FBLN1: variants seen among roughly 807,000 people sequenced by gnomAD.
The protein encoded by FBLN1 is fibulin-1.
A neutral mutation model predicts 89.7 loss-of-function variants in FBLN1; 34 were observed. The observed-to-expected ratio is 0.38, with a 90% CI of 0.29 to 0.50. FBLN1 has a LOEUF of 0.50. Ranked by LOEUF, FBLN1 falls within the 20% of genes least tolerant of loss-of-function variation. The pLI, the probability that FBLN1 is intolerant of heterozygous loss-of-function variation, is 0.92. For missense variants in FBLN1, 777 were observed against 988.1 expected, an observed-to-expected ratio of 0.79 and a Z score of 2.86; for synonymous variants, 393 against 391.3, an observed-to-expected ratio of 1.00 and a Z score of -0.05.
chr22:45,532,914 AG>A lies in FBLN1; in HGVS notation c.545-146del, dbSNP rs2146968587. 1.7e-5 allele frequency: 12 copies of A among 697,466 alleles called. No homozygotes were observed. In the South Asian group the frequency reaches 2.0e-4, roughly 12 times the overall value. The allele number at this position is 697,466 out of a possible 1,614,324, so 43.2% of individuals were successfully genotyped here. On this transcript the variant is annotated intron_variant, in intron 5 of 16. Coordinates refer to ENST00000327858, the MANE Select transcript of FBLN1 (RefSeq NM_006486.3). The surrounding 1 kb of genome is among the most constrained non-coding windows in gnomAD (Gnocchi z 4.2). ...AGCCAGAGCCTGGGGGTCTCCCAGT[AG>A]GGCAGCAGGTGGGCTCCAGCCAGGT...
intron 1 of FBLN1, among the ~76,000 whole-genome samples, chr22:45,516,636 A>C (rs1205949833): frequency 2.0e-5 from 3 of 151,876 alleles, no homozygotes; most frequent in Non-Finnish European, 4.4e-5. Context: ...ATCGCTGGAG[A>C]GGGGACACCT....
chr22:45,520,366 C>T (rs1265410818), intron 2 of FBLN1, among the ~76,000 whole-genome samples: 1 of 152,202 alleles, frequency 6.6e-6, no homozygotes. Context: ...TTCTGAGGCT[C>T]CTCTCCTGGG....
In FBLN1 at chr22:45,504,664, G is replaced by A. The variant is rs143192015; in HGVS notation, c.79+1600G>A. 4.8e-3 allele frequency among the ~76,000 whole-genome samples: 728 copies of A among 152,212 alleles called. 16 individuals carry two copies. The highest frequency in any genetic ancestry group is 0.043 in the Admixed American group (662 of 15,272). ...CTCTCCCTGGCCCCGGAGTCTCTGC[G>A]TTCCCTCTCACTGTTCTTTTCTGTC... On this transcript the variant is annotated intron_variant, in intron 1 of 16. Transcript: ENST00000327858.
Position 45,585,139 on chromosome 22 carries a change from G to C in FBLN1, c.1972+8031G>C, listed in dbSNP as rs578077878. The stretch of plus-strand genomic sequence containing the variant: ...AGAGAGAGAGAAGTGGCGTGTGGCA[G>C]GGCTGCTATGTACAGTTGGATGTGT... On this transcript the variant is annotated intron_variant, in intron 16 of 16. Transcript: ENST00000327858. Among the ~76,000 whole-genome samples the C allele has an allele frequency of 2.6e-5, 4 of 152,308 alleles. No individual in the cohort carries two copies. In the South Asian group the frequency reaches 8.3e-4, roughly 32 times the overall value.
At chr22:45,522,366 T>G (rs1420565757) in intron 2 of FBLN1, among the ~76,000 whole-genome samples, 1 of 152,208 alleles carries the variant, frequency 6.6e-6, no homozygotes, top group Non-Finnish European at 1.5e-5. Context: ...AACAAATCTT[T>G]ATTGGTTCTT....
intron 4 of FBLN1, among the ~76,000 whole-genome samples, chr22:45,528,532 A>G (rs2071937): frequency 0.22 from 33,435 of 151,830 alleles, 4,465 homozygotes; most frequent in African/African-American, 0.34. Context: ...TTTAGTAGGG[A>G]TGGGGTTTCA....
Position 45,576,205 on chromosome 22 carries a change from C to G in FBLN1, c.1841-772C>G, listed in dbSNP as rs2088995890. ...ATAACTAACTGGTATTTGCCTTTTG[C>G]AAAATGATGGGGTTTCACCAAACCA... On this transcript the variant is annotated intron_variant, in intron 15 of 16. Transcript: ENST00000327858. This position sits in a 1 kb window ranked among gnomAD's most constrained non-coding sequence, Gnocchi z 5.2. Among the ~76,000 whole-genome samples, 1 of 152,208 alleles carries G rather than the reference C, an allele frequency of 6.6e-6. No individual in the cohort carries two copies. Among genetic ancestry groups the G allele is most frequent in the African/African-American group, 2.4e-5 (1 of 41,444 alleles).
intron 1 of FBLN1, among the ~76,000 whole-genome samples, chr22:45,509,838 G>A (rs1191393014): frequency 3.3e-5 from 5 of 151,964 alleles, no homozygotes; most frequent in African/African-American, 4.8e-5. Context: ...TGGACACCAC[G>A]GAGGCCACTC....
At position 45,536,579 on chromosome 22, in the gene FBLN1, A is replaced by G. The variant is rs2088484919; in HGVS notation, c.922+1242A>G. Among the ~76,000 whole-genome samples the G allele has an allele frequency of 6.6e-6, 1 of 152,096 alleles. No individual in the cohort carries two copies. Among genetic ancestry groups the G allele is most frequent in the Non-Finnish European group, 1.5e-5 (1 of 68,016 alleles). ...CAGGAGTTTGAGACCAGCCTGACCA[A>G]TATAGTGAAACCCCATCTCTACTAA... On this transcript the variant is annotated intron_variant, in intron 8 of 16. Coordinates refer to ENST00000327858, the MANE Select transcript of FBLN1 (RefSeq NM_006486.3). This position sits in a 1 kb window ranked among gnomAD's most constrained non-coding sequence, Gnocchi z 5.1.
intron 1 of FBLN1, among the ~76,000 whole-genome samples, chr22:45,516,561 G>T (rs1411779734): frequency 6.6e-6 from 1 of 152,222 alleles, no homozygotes; most frequent in Non-Finnish European, 1.5e-5. Context: ...CTGGTGCTGG[G>T]AGGCAACTCC....
intron 1 of FBLN1, among the ~76,000 whole-genome samples, chr22:45,514,124 G>A (rs533137985): frequency 5.9e-4 from 89 of 152,012 alleles, no homozygotes; most frequent in Non-Finnish European, 9.7e-4. Flanking sequence ...ACTTTTTTTC[G>A]TTTCTAATCG....
chr22:45,507,649 T>G (rs2088040696), intron 1 of FBLN1, among the ~76,000 whole-genome samples: 1 of 152,158 alleles, frequency 6.6e-6, no homozygotes, highest in African/African-American at 2.4e-5. Context: ...TGCCTCAGTC[T>G]CCTGAGTAGC....
In FBLN1 at chr22:45,577,150, C is replaced by T. The variant is rs372471996; in HGVS notation, c.1972+42C>T. On this transcript the variant is annotated intron_variant, in intron 16 of 16. Coordinates refer to ENST00000327858, the MANE Select transcript of FBLN1 (RefSeq NM_006486.3). This position sits in a 1 kb window ranked among gnomAD's most constrained non-coding sequence, Gnocchi z 6.6. The stretch of plus-strand genomic sequence containing the variant: ...ATCAGCTCTATCCAGGCACCCCTCC[C>T]CCTCCACCCCGAAACCCTCTCTGGC... The T allele has an allele frequency of 1.5e-5, 24 of 1,610,370 alleles. No individual in the cohort carries two copies. Among genetic ancestry groups the T allele is most frequent in the Non-Finnish European group, 2.0e-5 (24 of 1,178,254 alleles).
At chr22:45,538,959 A>G (rs1167032961) in intron 8 of FBLN1, among the ~76,000 whole-genome samples, 6 of 151,766 alleles carry the variant, frequency 4.0e-5, no homozygotes, top group Non-Finnish European at 8.8e-5. Context: ...ATTTTCTAGA[A>G]CCTTAAGGTT....
In FBLN1 at chr22:45,574,023, G is replaced by A. The variant is rs944271235; in HGVS notation, c.1698-488G>A. On this transcript the variant is annotated intron_variant, in intron 14 of 16. Transcript: ENST00000327858. The surrounding 1 kb of genome is among the most constrained non-coding windows in gnomAD (Gnocchi z 4.1). ...CTGGTGATGTGGAATTGACTGCCCT[G>A]TGCTGGGCACCGAGCTTGGCGCTTT... Among the ~76,000 whole-genome samples, 6 of 152,152 alleles carry A rather than the reference G, an allele frequency of 3.9e-5. No individual in the cohort carries two copies. The highest frequency in any genetic ancestry group is 1.4e-4 in the African/African-American group (6 of 41,410).
chr22:45,560,894 A>T (rs1020454295), intron 14 of FBLN1, among the ~76,000 whole-genome samples: 3 of 152,068 alleles, frequency 2.0e-5, no homozygotes, highest in African/African-American at 7.3e-5. Flanking sequence ...TTGCCTGGCA[A>T]CTGCCTCACA....
chr22:45,528,733 ACTT>A (rs1183287849), intron 4 of FBLN1, among the ~76,000 whole-genome samples: 1 of 136,186 alleles, frequency 7.3e-6, no homozygotes, highest in Non-Finnish European at 1.6e-5. Flanking sequence ...CCCAATTGAC[ACTT>A]ACGATGAACC....
At chr22:45,594,682 A>T (rs1285835943) in intron 16 of FBLN1, among the ~76,000 whole-genome samples, 5 of 149,634 alleles carry the variant, frequency 3.3e-5, no homozygotes, top group East Asian at 1.9e-4. Flanking sequence ...AGGTGAGTGG[A>T]TGGATTGGTG....
At chr22:45,554,141 T>G (rs973158724) in intron 14 of FBLN1, among the ~76,000 whole-genome samples, 9 of 152,204 alleles carry the variant, frequency 5.9e-5, no homozygotes, top group Non-Finnish European at 1.3e-4. Flanking sequence ...TTCCAGCCAG[T>G]AGAGCGGGAG....
Sources: gnomAD v4.1 joint callset for allele counts (sites outside exome capture counted in the v4.1 genomes callset) on GRCh38, gnomAD v4.1.1 for gene constraint, Gnocchi (gnomAD v3.1) non-coding constraint, MANE v1.5 for transcripts, NCBI Gene and HGNC (gene_info 2026-07-23, HGNC 2026-07-21) for gene names.